Variants in ASH2L observed in about 807,000 individuals in gnomAD.
ASH2L encodes the protein ASH2 like, histone lysine methyltransferase complex subunit, also known as set1/Ash2 histone methyltransferase complex subunit ASH2.
Under a neutral mutation model 81.1 loss-of-function variants are expected in ASH2L, and 30 were observed. That is an observed-to-expected ratio of 0.37 (90% confidence interval 0.28 to 0.50). ASH2L has a LOEUF of 0.50. Among genes scored for constraint, ASH2L ranks in the 20% least tolerant of loss-of-function variants. The probability of loss-of-function intolerance (pLI) is 0.95; values close to 1 mark genes in which losing one functional copy is unlikely to be tolerated. For synonymous variants in ASH2L, 273 were observed against 279.9 expected, an observed-to-expected ratio of 0.98 and a Z score of 0.24; for missense variants, 559 against 792.1, an observed-to-expected ratio of 0.71 and a Z score of 3.53.
intron 5 of ASH2L, 139 bp downstream of exon 5, chr8:38,110,972 T>C: frequency 1.3e-6 from 1 of 743,808 alleles, no homozygotes; most frequent in Non-Finnish European, 2.2e-6. Flanking sequence ...GTTCTCTTTT[T>C]TTTTCAAGAT....
chr8:38,138,809 G>C lies in ASH2L; in HGVS notation c.1720-7G>C. On this transcript the variant is annotated splice_region_variant and splice_polypyrimidine_tract_variant and intron_variant, in intron 14 of 15. Coordinates refer to ENST00000343823, the MANE Select transcript of ASH2L (RefSeq NM_004674.5). ...TTCCATGTCTGCTTGAATTGAATTC[G>C]CTCCAGGTTTCCATTAACTTTGGAC... The C allele has an allele frequency of 6.2e-7, 1 of 1,612,084 alleles. No homozygotes were observed. Among genetic ancestry groups the C allele is most frequent in the Non-Finnish European group, 8.5e-7 (1 of 1,179,242 alleles).
intron 12 of ASH2L, among the ~76,000 whole-genome samples, chr8:38,132,339 T>C (rs915618705): frequency 2.6e-5 from 4 of 152,208 alleles, no homozygotes; most frequent in African/African-American, 9.6e-5. Flanking sequence ...ATATATATGT[T>C]AAGAAATTGA....
chr8:38,128,468 G>T lies in ASH2L; in HGVS notation c.1333+10G>T. On this transcript the variant is annotated intron_variant, in intron 11 of 15. Transcript: ENST00000343823. The stretch of plus-strand genomic sequence containing the variant: ...TGGTCCCAGCCCCTAGGTAAGCTGG[G>T]GCCTTAATATGGACATCACAGCAGA... 4 of 1,612,842 alleles carry T rather than the reference G, an allele frequency of 2.5e-6. No homozygotes were observed. Among genetic ancestry groups the T allele is most frequent in the Non-Finnish European group, 3.4e-6 (4 of 1,179,618 alleles).
At chr8:38,133,372 A>G (rs1802135521) in intron 12 of ASH2L, 82 bp from the exon 13 acceptor site, 3 of 906,668 alleles carry the variant, frequency 3.3e-6, no homozygotes, top group Admixed American at 4.4e-5. Context: ...AGGGGTTAAC[A>G]CTATTTGTGT....
chr8:38,138,850 C>T lies in ASH2L; in HGVS notation c.1754C>T (p.Pro585Leu), dbSNP rs752033509. The T allele has an allele frequency of 6.2e-7, 1 of 1,614,166 alleles. No individual in the cohort carries two copies. Among genetic ancestry groups the T allele is most frequent in the Non-Finnish European group, 8.5e-7 (1 of 1,180,028 alleles). Residue 585 changes from proline to leucine, a missense_variant, in exon 15 of 16, where the codon CCT becomes CTT. Pro to Leu is a moderately conservative substitution (Grantham distance 98, BLOSUM62 -3). Transcript: ENST00000343823. ...AACTTTGGACCATGCTTCAAGTATC[C>T]TCCGAAGGATCTCACTTACCGCCCT... ...SINFGPCFKY[P>L]PKDLTYRPMS...
intron 10 of ASH2L, among the ~76,000 whole-genome samples, chr8:38,128,045 C>CA (rs11417823): frequency 0.9 from 133,337 of 148,600 alleles, 60,353 homozygotes; most frequent in Non-Finnish European, 0.98. Context: ...GACTCCATCT[C>CA]AAAAAAAAAA....
At chr8:38,105,813 C>T in intron 1 of ASH2L, 75 bp downstream of exon 1, 1 of 1,473,976 alleles carries the variant, frequency 6.8e-7, no homozygotes, top group Non-Finnish European at 9.0e-7. Context: ...TCCTGGAGCC[C>T]TGCCGCCCGC....
At chr8:38,116,572 A>T in intron 7 of ASH2L, 78 bp from the exon 8 acceptor site, 1 of 1,135,248 alleles carries the variant, frequency 8.8e-7, no homozygotes, top group Non-Finnish European at 1.3e-6. Context: ...CCATTCTGTT[A>T]GAATTTCTCT....
chr8:38,107,867 T>C (rs1810510860), intron 3 of ASH2L, among the ~76,000 whole-genome samples: 2 of 109,374 alleles, frequency 1.8e-5, no homozygotes, highest in East Asian at 2.6e-4. Context: ...GAAATACATA[T>C]ATGTGTGTGT....
intron 12 of ASH2L, among the ~76,000 whole-genome samples, chr8:38,130,748 G>A (rs1356953248): frequency 1.3e-5 from 2 of 152,004 alleles, no homozygotes; most frequent in Non-Finnish European, 2.9e-5. Context: ...ACAGGCACCC[G>A]CCACCACACC....
chr8:38,135,587 T>G, intron 13 of ASH2L, 81 bp from the exon 14 acceptor site: 1 of 1,008,304 alleles, frequency 9.9e-7, no homozygotes, highest in Non-Finnish European at 1.5e-6. Flanking sequence ...CAGCAGCACT[T>G]CTAACATATT....
intron 10 of ASH2L, among the ~76,000 whole-genome samples, chr8:38,126,503 G>A (rs1585594780): frequency 6.6e-6 from 1 of 152,176 alleles, no homozygotes; most frequent in Non-Finnish European, 1.5e-5. Context: ...TATACATGAT[G>A]TGAACATTTG....
chr8:38,115,155 G>A (rs1356047236), intron 7 of ASH2L, among the ~76,000 whole-genome samples, 155 bp downstream of exon 7: 1 of 152,150 alleles, frequency 6.6e-6, no homozygotes, highest in East Asian at 1.9e-4. Context: ...TGATATGAGA[G>A]TACTCACCTT....
chr8:38,123,274 CGG>C (rs1354553031), intron 10 of ASH2L: 1 of 151,584 alleles, frequency 6.6e-6, no homozygotes, highest in Non-Finnish European at 1.5e-5. Flanking sequence ...TTAGTAGAGA[CGG>C]GGTTTCACCG....
At chr8:38,117,834 G>C (rs914833559) in intron 8 of ASH2L, 2 of 152,204 alleles carry the variant, frequency 1.3e-5, no homozygotes, top group Non-Finnish European at 2.9e-5. Context: ...GAGACAGGCA[G>C]ATCACCTGAG....
intron 12 of ASH2L, among the ~76,000 whole-genome samples, chr8:38,131,918 G>A (rs547662533): frequency 6.6e-6 from 1 of 151,396 alleles, no homozygotes; most frequent in Non-Finnish European, 1.5e-5. Flanking sequence ...ACGCAGTCTC[G>A]GCATACTGCA....
intron 5 of ASH2L, 76 bp from the exon 6 acceptor site, chr8:38,114,115 GA>G: frequency 1.1e-6 from 1 of 885,386 alleles, no homozygotes; most frequent in South Asian, 1.8e-5. Context: ...CAAGATCTTC[GA>G]AAAATGCTGT....
chr8:38,109,532 G>T (rs1810595466), intron 3 of ASH2L, among the ~76,000 whole-genome samples: 1 of 152,146 alleles, frequency 6.6e-6, no homozygotes, highest in Non-Finnish European at 1.5e-5. Context: ...TGCTTTTCCT[G>T]TCATCTTGTG....
chr8:38,115,085 G>A, intron 7 of ASH2L, 85 bp downstream of exon 7: 2 of 879,068 alleles, frequency 2.3e-6, no homozygotes, highest in Non-Finnish European at 3.8e-6. Context: ...TTGTATATTT[G>A]CCACATAACA....
Sources: gnomAD v4.1 joint callset for allele counts (sites outside exome capture counted in the v4.1 genomes callset) on GRCh38, gnomAD v4.1.1 for gene constraint, MANE v1.5 for transcripts, NCBI Gene and HGNC (gene_info 2026-07-23, HGNC 2026-07-21) for gene names.